Variants in KAZN observed in about 807,000 individuals in gnomAD.
KAZN encodes kazrin.
In KAZN, 40 loss-of-function variants were observed where a neutral mutation model predicts 87.4. The ratio of observed to expected loss-of-function variants is 0.46; its 90% CI spans 0.36 to 0.60. KAZN has a LOEUF of 0.60. KAZN is among the 20% of genes least tolerant of loss of function. The pLI, the probability that KAZN is intolerant of heterozygous loss-of-function variation, is 0.00. For synonymous variants in KAZN, 466 were observed against 458.3 expected (o/e 1.02, Z -0.22); for missense variants, 898 against 1,073.9 (o/e 0.84, Z 2.29).
At chr1:14,983,250 C>T (rs567032382) in intron 2 of KAZN, among the ~76,000 whole-genome samples, 1 of 152,306 alleles carries the variant, frequency 6.6e-6, no homozygotes, top group East Asian at 1.9e-4. Context: ...CCCCCTACCT[C>T]CACCCCGGCA....
At chr1:15,041,189 T>C (rs1324309559) in intron 3 of KAZN, among the ~76,000 whole-genome samples, 2 of 151,292 alleles carry the variant, frequency 1.3e-5, no homozygotes, top group Non-Finnish European at 2.9e-5. Context: ...CTCGAGCTCC[T>C]GACCTCAAGT....
chr1:14,295,688 A>G (rs980943965), intron 2 of KAZN, among the ~76,000 whole-genome samples: 2 of 152,140 alleles, frequency 1.3e-5, no homozygotes, highest in Non-Finnish European at 2.9e-5. Flanking sequence ...ACACACACAC[A>G]TGCGCAGATA....
intron 2 of KAZN, among the ~76,000 whole-genome samples, chr1:14,483,554 T>C (rs1571762701): frequency 1.3e-5 from 2 of 152,334 alleles, no homozygotes; most frequent in East Asian, 3.9e-4. Context: ...TCTGAGCCAA[T>C]ATGAGTGACC....
intron 1 of KAZN, among the ~76,000 whole-genome samples, chr1:14,822,490 A>T (rs1366533460): frequency 6.6e-6 from 1 of 152,130 alleles, no homozygotes; most frequent in Non-Finnish European, 1.5e-5. Flanking sequence ...ATGCAAAGAG[A>T]AGCTGGGCGT....
chr1:14,472,830 T>C (rs928818663), intron 2 of KAZN, among the ~76,000 whole-genome samples: 4 of 152,294 alleles, frequency 2.6e-5, no homozygotes, highest in African/African-American at 7.2e-5. Context: ...CAAAGACCTA[T>C]ATATGTTCCA....
At chr1:14,223,753 T>C (rs1353170495) in intron 2 of KAZN, among the ~76,000 whole-genome samples, 1 of 152,176 alleles carries the variant, frequency 6.6e-6, no homozygotes, top group East Asian at 1.9e-4. Context: ...GGAGAAACAC[T>C]GGATTAATTA....
At chr1:14,724,091 CACAA>C (rs778932742) in intron 1 of KAZN, among the ~76,000 whole-genome samples, 171 of 152,246 alleles carry the variant, frequency 1.1e-3, no homozygotes, top group Non-Finnish European at 1.9e-3. Context: ...TCTTAAAAGC[CACAA>C]ACAAAGAAAG....
chr1:14,100,199 G>A (rs1193849395), intron 1 of KAZN, among the ~76,000 whole-genome samples: 1 of 152,106 alleles, frequency 6.6e-6, no homozygotes, highest in Non-Finnish European at 1.5e-5. Flanking sequence ...TTAATAAACA[G>A]CCCTTTATGG....
intron 2 of KAZN, among the ~76,000 whole-genome samples, chr1:14,469,160 C>T (rs557202809): frequency 7.2e-5 from 11 of 152,246 alleles, no homozygotes; most frequent in Admixed American, 1.3e-4. Context: ...CTCAGAATCT[C>T]AGCCATAAAA....
At chr1:14,496,652 C>A (rs1425078398) in intron 2 of KAZN, among the ~76,000 whole-genome samples, 1 of 151,892 alleles carries the variant, frequency 6.6e-6, no homozygotes, top group South Asian at 2.1e-4. Flanking sequence ...ATTTTTGATT[C>A]CCTTGAAATT....
At position 15,060,159 on chromosome 1, in the gene KAZN, C is replaced by G; in HGVS notation, c.917-13C>G. The G allele has an allele frequency of 6.2e-7, 1 of 1,614,050 alleles. No homozygotes were observed. Among genetic ancestry groups the G allele is most frequent in the Non-Finnish European group, 8.5e-7 (1 of 1,179,942 alleles). On this transcript the variant is annotated splice_polypyrimidine_tract_variant and intron_variant, in intron 5 of 14. Coordinates refer to ENST00000376030, the MANE Select transcript of KAZN (RefSeq NM_201628.3). ...TCTCCATCCCTCACTCACCAGCTGTCCCTGCTTTCCAGCGGTCAGGGTGAG... is the reference window on the plus strand; with the variant it reads ...TCTCCATCCCTCACTCACCAGCTGTGCCTGCTTTCCAGCGGTCAGGGTGAG...
chr1:14,210,502 C>A (rs1646832433), intron 2 of KAZN, among the ~76,000 whole-genome samples: 1 of 152,154 alleles, frequency 6.6e-6, no homozygotes, highest in Non-Finnish European at 1.5e-5. Flanking sequence ...AAATTGTGAA[C>A]AATGGGGTCT....
chr1:14,361,883 CT>C (rs1387116339), intron 2 of KAZN, among the ~76,000 whole-genome samples: 1 of 152,240 alleles, frequency 6.6e-6, no homozygotes, highest in African/African-American at 2.4e-5. Flanking sequence ...GGAAGACCCA[CT>C]GCCATAAGAG....
At chr1:14,725,885 C>G (rs1039766691) in intron 1 of KAZN, among the ~76,000 whole-genome samples, 2 of 152,174 alleles carry the variant, frequency 1.3e-5, no homozygotes, top group Non-Finnish European at 2.9e-5. Context: ...CCTGGACCAC[C>G]CTTTGAGTAG....
At chr1:14,203,472 G>A (rs1646681192) in intron 2 of KAZN, among the ~76,000 whole-genome samples, 1 of 152,216 alleles carries the variant, frequency 6.6e-6, no homozygotes, top group African/African-American at 2.4e-5. Flanking sequence ...CTTCTGGAAT[G>A]TGTAATATGC....
chr1:14,133,381 G>A lies in KAZN; in HGVS notation c.92-47054G>A, dbSNP rs3033041. Among the ~76,000 whole-genome samples the A allele has an allele frequency of 8.1e-3, 123 of 15,120 alleles. 13 individuals are homozygous for A. Among genetic ancestry groups the A allele is most frequent in the East Asian group, 0.056 (9 of 160 alleles). 9.9% of individuals were successfully genotyped at this position (15,120 alleles called of 152,430 possible). On this transcript the variant is annotated intron_variant, in intron 1 of 16. Coordinates refer to the KAZN transcript ENST00000636203. ...ACTCCCTCTCAAAAAAAAAAAAAAA[G>A]AAAGAAAGAAAGAAAGAAAGAAAGA...
chr1:14,035,267 C>T (rs926670238), intron 1 of KAZN, among the ~76,000 whole-genome samples: 1 of 151,920 alleles, frequency 6.6e-6, no homozygotes, highest in Non-Finnish European at 1.5e-5. Context: ...GCAGTAGATA[C>T]CAGTTGAGGA....
At chr1:14,496,648 G>T (rs1389384989) in intron 2 of KAZN, among the ~76,000 whole-genome samples, 2 of 152,072 alleles carry the variant, frequency 1.3e-5, no homozygotes, top group Non-Finnish European at 2.9e-5. Flanking sequence ...CCTAATTTTT[G>T]ATTCCCTTGA....
chr1:14,614,580 G>A (rs960088967), intron 1 of KAZN, among the ~76,000 whole-genome samples: 1 of 152,220 alleles, frequency 6.6e-6, no homozygotes, highest in Non-Finnish European at 1.5e-5. Flanking sequence ...TCCCGCGCTG[G>A]GTTTAGATGT....
Sources: gnomAD v4.1 joint callset for allele counts (sites outside exome capture counted in the v4.1 genomes callset) on GRCh38, gnomAD v4.1.1 for gene constraint, MANE v1.5 for transcripts, NCBI Gene and HGNC (gene_info 2026-07-23, HGNC 2026-07-21) for gene names.